The following ATAD5 variants were observed in gnomAD, a reference collection of about 807,000 sequenced individuals.
ATAD5 encodes ATPase family AAA domain-containing protein 5.
A neutral mutation model predicts 176.9 loss-of-function variants in ATAD5; 58 were observed. That is an observed-to-expected ratio of 0.33 (90% CI 0.27 to 0.41). The LOEUF (loss-of-function observed/expected upper bound fraction) is 0.41. ATAD5 is among the 10% of genes least tolerant of loss of function. The pLI, the probability that ATAD5 is intolerant of heterozygous loss-of-function variation, is 1.00. For synonymous variants in ATAD5, 640 were observed against 712.6 expected (o/e 0.90, Z 1.62); for missense variants, 1,789 against 2,094.1 (o/e 0.85, Z 2.84).
intron 11 of ATAD5, among the ~76,000 whole-genome samples, chr17:30,866,474 G>C (rs78175763): frequency 0.11 from 15,753 of 149,496 alleles, 947 homozygotes; most frequent in South Asian, 0.24. Context: ...GGGATTACAG[G>C]TGTGAGCCAC....
chr17:30,879,301 C>CA, intron 17 of ATAD5, 122 bp from the exon 18 acceptor site: 1 of 1,078,498 alleles, frequency 9.3e-7, no homozygotes, highest in Non-Finnish European at 1.3e-6. Context: ...TGCACCACAG[C>CA]ACTAGGCAGT....
intron 14 of ATAD5, among the ~76,000 whole-genome samples, chr17:30,871,852 AC>A (rs1322385839): frequency 6.6e-6 from 1 of 151,836 alleles, no homozygotes; most frequent in Non-Finnish European, 1.5e-5. Flanking sequence ...CACTTTTTGT[AC>A]CTATAACTGT....
At position 30,889,111 on chromosome 17, in the gene ATAD5, CA is replaced by C. The variant is rs200630101; in HGVS notation, c.4258+1745del. ...ACACACACAAATTAAAAAACAAACA[CA>C]AAAAACCTCCCACCCTGTTCCCCCT... On this transcript the variant is annotated intron_variant, in intron 19 of 22. Coordinates refer to ENST00000321990, the MANE Select transcript of ATAD5 (RefSeq NM_024857.5). Among the ~76,000 whole-genome samples, 713 of 148,312 alleles carry C rather than the reference CA, an allele frequency of 4.8e-3. 3 individuals are homozygous for C. Among genetic ancestry groups the C allele is most frequent in the Non-Finnish European group, 8.9e-3 (599 of 67,082 alleles).
intron 6 of ATAD5, among the ~76,000 whole-genome samples, chr17:30,853,506 A>G (rs577736542): frequency 1.9e-4 from 29 of 152,240 alleles, no homozygotes; most frequent in African/African-American, 4.6e-4. Flanking sequence ...AAGAAAAGAG[A>G]TATCTCATTT....
intron 19 of ATAD5, among the ~76,000 whole-genome samples, chr17:30,891,093 T>C (rs1164126942): frequency 6.6e-6 from 1 of 152,148 alleles, no homozygotes; most frequent in African/African-American, 2.4e-5. Flanking sequence ...TCTGTAATAT[T>C]GATGGAGAGA....
intron 9 of ATAD5, among the ~76,000 whole-genome samples, chr17:30,858,809 T>C (rs2142368412): frequency 6.6e-6 from 1 of 152,342 alleles, no homozygotes; most frequent in South Asian, 2.1e-4. Context: ...GCCTCCTGAG[T>C]AGCTGGGACC....
intron 14 of ATAD5, among the ~76,000 whole-genome samples, chr17:30,870,268 C>T (rs749349576): frequency 6.6e-6 from 1 of 152,066 alleles, no homozygotes; most frequent in East Asian, 2.0e-4. Flanking sequence ...CTTTTAATCT[C>T]GCTAACAATT....
rs747862807 is a variant in ATAD5, at chr17:30,869,288, TGAA to T, written c.3360_3362del (p.Glu1121del). On this transcript the variant is annotated inframe_deletion, in exon 13 of 23. Transcript: ENST00000321990. ...TAGACTTTAAAGGCAGTTCAGATGA[TGAA>T]GAAGAGAGTCGTCTTTGCAATACTG... 6.2e-7 allele frequency: 1 copy of T among 1,613,614 alleles called. No homozygotes were observed. The highest frequency in any genetic ancestry group is 1.3e-5 in the African/African-American group (1 of 74,982).
chr17:30,890,107 T>C (rs898164515), intron 19 of ATAD5, among the ~76,000 whole-genome samples: 2 of 151,922 alleles, frequency 1.3e-5, no homozygotes, highest in Non-Finnish European at 2.9e-5. Flanking sequence ...CAGCCTGGTA[T>C]TGAACTCCTG....
intron 6 of ATAD5, among the ~76,000 whole-genome samples, chr17:30,847,401 G>T (rs539926574): frequency 2.0e-5 from 3 of 151,908 alleles, no homozygotes; most frequent in Non-Finnish European, 4.4e-5. Context: ...CGCGATGTCC[G>T]CTCACTGTAA....
intron 8 of ATAD5, 78 bp downstream of exon 8, chr17:30,857,190 T>G: frequency 6.9e-7 from 1 of 1,449,162 alleles, no homozygotes; most frequent in Non-Finnish European, 9.3e-7. Flanking sequence ...GGATATCTAC[T>G]CTTATAGCCT....
chr17:30,879,358 A>G, intron 17 of ATAD5, 65 bp from the exon 18 acceptor site: 1 of 1,554,484 alleles, frequency 6.4e-7, no homozygotes, highest in South Asian at 1.1e-5. Flanking sequence ...GTATAACTTG[A>G]AAAAGTTATT....
intron 6 of ATAD5, among the ~76,000 whole-genome samples, chr17:30,848,425 AT>A (rs1047536426): frequency 3.3e-5 from 5 of 150,876 alleles, no homozygotes; most frequent in African/African-American, 9.7e-5. Context: ...AATTTTTTGT[AT>A]TTTTTTTTCT....
rs143095774 is a variant in ATAD5, at chr17:30,866,134, G to T, written c.3233+334G>T. ...AAATTCTGAATAATGAAAGTTTATT[G>T]ACTTTATTACATGAAATTTGTTACA... On this transcript the variant is annotated intron_variant, in intron 11 of 22. Coordinates refer to ENST00000321990, the MANE Select transcript of ATAD5 (RefSeq NM_024857.5). 7.0e-3 allele frequency among the ~76,000 whole-genome samples: 985 copies of T among 141,232 alleles called. 10 individuals are homozygous for T. The highest frequency in any genetic ancestry group is 0.024 in the African/African-American group (915 of 37,984). The allele number at this position is 141,232 out of a possible 152,430, so 92.7% of individuals were successfully genotyped here.
rs772260704 is a variant in ATAD5, at chr17:30,835,891, CCTA to C, written c.1815_1817del (p.Thr606del). The stretch of plus-strand genomic sequence containing the variant: ...AAGATCTGGAAGAATTAGCAGCACA[CCTA>C]CTACAGAAACCATTAGAGGTATTGA... On this transcript the variant is annotated inframe_deletion, in exon 2 of 23. Transcript: ENST00000321990. The C allele has an allele frequency of 1.2e-6, 2 of 1,614,082 alleles. No individual in the cohort carries two copies. Among genetic ancestry groups the C allele is most frequent in the South Asian group, 2.2e-5 (2 of 91,054 alleles).
chr17:30,889,882 C>CT (rs911948777), intron 19 of ATAD5, among the ~76,000 whole-genome samples: 11 of 128,624 alleles, frequency 8.6e-5, no homozygotes, highest in Admixed American at 1.6e-4. Flanking sequence ...CTTTTCTTTT[C>CT]TTTCTTTTTT....
intron 11 of ATAD5, among the ~76,000 whole-genome samples, chr17:30,867,127 C>A (rs1214701187): frequency 6.8e-6 from 1 of 147,798 alleles, no homozygotes; most frequent in Non-Finnish European, 1.5e-5. Flanking sequence ...GCAGTGGGTA[C>A]AGTGGCTCAA....
chr17:30,835,759 A>C lies in ATAD5; in HGVS notation c.1678A>C (p.Lys560Gln), dbSNP rs746521098. Residue 560 changes from lysine (K) to glutamine (Q), a missense_variant, in exon 2 of 23, where the codon AAA (lysine) becomes CAA (glutamine). Physicochemically the swap from Lys to Gln is moderately conservative, Grantham distance 53 (BLOSUM62 1). Coordinates refer to ENST00000321990, the MANE Select transcript of ATAD5 (RefSeq NM_024857.5). ...LKVSSLCNNN[K>Q]LSRKTSIPVK... ...GGTTTCCTCTCTGTGTAACAATAAT[A>C]AATTGTCAAGAAAAACCAGCATACC... The C allele has an allele frequency of 1.2e-6, 2 of 1,613,650 alleles. No individual in the cohort carries two copies. The highest frequency in any genetic ancestry group is 1.7e-6 in the Non-Finnish European group (2 of 1,179,870).
At chr17:30,864,468 A>G (rs1158994687) in intron 10 of ATAD5, 1 of 152,252 alleles carries the variant, frequency 6.6e-6, no homozygotes, top group Non-Finnish European at 1.5e-5. Context: ...ATACTGCCCA[A>G]TAGATAGTTT....
Sources: allele counts gnomAD v4.1 joint callset (sites outside exome capture counted in the v4.1 genomes callset), GRCh38; gene constraint gnomAD v4.1.1; transcripts MANE v1.5; gene names NCBI Gene and HGNC (gene_info 2026-07-23, HGNC 2026-07-21).